Variants in PRORP observed in about 807,000 individuals in gnomAD.
The protein encoded by PRORP is protein only RNase P catalytic subunit.
PRORP carries 51 observed loss-of-function variants against 59.4 expected under a neutral mutation model. That is an observed-to-expected ratio of 0.86 (90% CI 0.69 to 1.08). The LOEUF (loss-of-function observed/expected upper bound fraction) is 1.08. Among genes scored for constraint, PRORP ranks in the 50% least tolerant of loss-of-function variants. The probability of loss-of-function intolerance (pLI) is 0.00; values close to 1 mark genes in which losing one functional copy is unlikely to be tolerated. For missense variants in PRORP, 646 were observed against 690.3 expected, an observed-to-expected ratio of 0.94 and a Z score of 0.72; for synonymous variants, 231 against 245.6, an observed-to-expected ratio of 0.94 and a Z score of 0.55.
chr14:35,147,695 A>T (rs528228404), intron 4 of PRORP, among the ~76,000 whole-genome samples: 73 of 152,252 alleles, frequency 4.8e-4, no homozygotes, highest in Admixed American at 1.5e-3. Flanking sequence ...GACTCTTCTT[A>T]TCACAAAATA....
chr14:35,252,505 T>A (rs986928985), intron 5 of PRORP, among the ~76,000 whole-genome samples: 2 of 152,212 alleles, frequency 1.3e-5, no homozygotes, highest in African/African-American at 4.8e-5. Flanking sequence ...TCCAGTTGCC[T>A]TCTTTCATGG....
At chr14:35,157,112 C>T (rs1481381374) in intron 4 of PRORP, among the ~76,000 whole-genome samples, 10 of 151,968 alleles carry the variant, frequency 6.6e-5, no homozygotes, top group Non-Finnish European at 1.5e-4. Context: ...CCCGCCACCA[C>T]GCCCAGCTAA....
intron 4 of PRORP, among the ~76,000 whole-genome samples, chr14:35,164,575 A>C (rs2048137404): frequency 6.6e-6 from 1 of 152,168 alleles, no homozygotes; most frequent in Non-Finnish European, 1.5e-5. Flanking sequence ...TATAAATGGG[A>C]GCTAAACATT....
At chr14:35,161,315 T>G (rs991561225) in intron 4 of PRORP, among the ~76,000 whole-genome samples, 1 of 152,194 alleles carries the variant, frequency 6.6e-6, no homozygotes, top group African/African-American at 2.4e-5. Flanking sequence ...CCCACTTTAT[T>G]CCTGAGGAAC....
At chr14:35,184,473 G>A (rs187740044) in intron 5 of PRORP, among the ~76,000 whole-genome samples, 18 of 152,172 alleles carry the variant, frequency 1.2e-4, no homozygotes, top group African/African-American at 2.2e-4. Context: ...AGTTATATTC[G>A]TAGCTCCACA....
chr14:35,270,355 C>T lies in PRORP; in HGVS notation c.1425-46C>T, dbSNP rs767157256. On this transcript the variant is annotated intron_variant, in intron 6 of 7. Transcript: ENST00000534898. ...GTACGGTGAAAAACACTGTCCTCTGCCTCTTCAGCTGTGCTTGATTGTGTC... is the reference window on the plus strand; with the variant it reads ...GTACGGTGAAAAACACTGTCCTCTGTCTCTTCAGCTGTGCTTGATTGTGTC... The T allele has an allele frequency of 5.1e-6, 8 of 1,563,308 alleles. No individual in the cohort carries two copies. The East Asian group carries it at 1.6e-4, about 31-fold the overall frequency.
chr14:35,185,704 G>A (rs1311778375), intron 5 of PRORP, among the ~76,000 whole-genome samples: 4 of 152,080 alleles, frequency 2.6e-5, no homozygotes, highest in Non-Finnish European at 5.9e-5. Flanking sequence ...TCATGCTGTT[G>A]GTCCTAAAAG....
intron 5 of PRORP, among the ~76,000 whole-genome samples, chr14:35,204,924 T>C (rs77434119): frequency 0.061 from 9,296 of 152,298 alleles, 371 homozygotes; most frequent in Middle Eastern, 0.11. Context: ...TTGAGTACTT[T>C]ATACACATTA....
At position 35,274,240 on chromosome 14, in the gene PRORP, C is replaced by T. The variant is rs907618786; in HGVS notation, c.*674C>T. On this transcript the variant is annotated 3_prime_UTR_variant, in exon 8 of 8. Transcript: ENST00000534898. The stretch of plus-strand genomic sequence containing the variant: ...ACAGTTCACTGCAGCCTCAAACTCC[C>T]AGGCTCAAGCAATCTTCCTACCTCA... 4.6e-5 allele frequency: 7 copies of T among 152,044 alleles called. No individual in the cohort carries two copies. The highest frequency in any genetic ancestry group is 1.7e-4 in the African/African-American group (7 of 41,378). The allele number at this position is 152,044 out of a possible 1,614,324, so 9.4% of individuals were successfully genotyped here. A position where few individuals can be genotyped will look rare whatever the true frequency, so the allele number is the denominator to read the frequency against.
chr14:35,168,389 A>G (rs1389333134), intron 4 of PRORP, among the ~76,000 whole-genome samples: 2 of 152,126 alleles, frequency 1.3e-5, no homozygotes, highest in African/African-American at 2.4e-5. Context: ...TAGTTATTGG[A>G]CCAAAGGGAG....
intron 5 of PRORP, among the ~76,000 whole-genome samples, chr14:35,266,469 G>C (rs534768408): frequency 6.6e-6 from 1 of 152,234 alleles, no homozygotes; most frequent in South Asian, 2.1e-4. Flanking sequence ...ACAGCAGAAT[G>C]AGATCCTGTC....
chr14:35,248,230 T>C (rs1052721550), intron 5 of PRORP, among the ~76,000 whole-genome samples: 10 of 152,200 alleles, frequency 6.6e-5, no homozygotes, highest in African/African-American at 2.2e-4. Flanking sequence ...ATATTTTGTA[T>C]ATATCCATAT....
At chr14:35,242,354 AG>A (rs2050387944) in intron 5 of PRORP, among the ~76,000 whole-genome samples, 1 of 152,154 alleles carries the variant, frequency 6.6e-6, no homozygotes. Flanking sequence ...GAAGATCTCT[AG>A]GGATCCTCAT....
At chr14:35,264,983 C>A (rs189826859) in intron 5 of PRORP, among the ~76,000 whole-genome samples, 1 of 151,754 alleles carries the variant, frequency 6.6e-6, no homozygotes, top group Non-Finnish European at 1.5e-5. Context: ...AGCAAGACTT[C>A]GTCTCAAAAA....
rs34186766 is a variant in PRORP, at chr14:35,193,634, A to ATT, written c.1275+12872_1275+12873dup. 2.9e-3 allele frequency among the ~76,000 whole-genome samples: 376 copies of ATT among 129,852 alleles called. 3 individuals are homozygous for ATT. Among genetic ancestry groups the ATT allele is most frequent in the African/African-American group, 5.5e-3 (194 of 35,582 alleles). 85.2% of individuals were successfully genotyped at this position (129,852 alleles called of 152,430 possible). Reference sequence around the variant, plus strand: ...TTTGTGTGTATATAATCCCGGGTGTATTTTTTTTTTTTTTTTGCCCCAACT... The same window carrying ATT: ...TTTGTGTGTATATAATCCCGGGTGTATTTTTTTTTTTTTTTTTTGCCCCAACT... On this transcript the variant is annotated intron_variant, in intron 5 of 7. Transcript: ENST00000534898.
intron 7 of PRORP, among the ~76,000 whole-genome samples, chr14:35,271,218 G>A (rs1374367286): frequency 1.1e-4 from 16 of 146,078 alleles, no homozygotes; most frequent in African/African-American, 4.1e-4. Flanking sequence ...GAGTGCAGTG[G>A]TGCAATCTCA....
chr14:35,122,161 G>A, upstream of PRORP: 1 of 579,536 alleles, frequency 1.7e-6, no homozygotes, highest in Non-Finnish European at 3.1e-6. Flanking sequence ...CACGCTGACT[G>A]GGGGAAAAAA....
chr14:35,229,914 C>G (rs1361771826), intron 5 of PRORP, among the ~76,000 whole-genome samples: 1 of 152,044 alleles, frequency 6.6e-6, no homozygotes, highest in Non-Finnish European at 1.5e-5. Context: ...ACATGTTACA[C>G]AATCATTTTC....
intron 3 of PRORP, among the ~76,000 whole-genome samples, chr14:35,126,984 A>G (rs943999557): frequency 6.6e-6 from 1 of 152,228 alleles, no homozygotes; most frequent in Non-Finnish European, 1.5e-5. Flanking sequence ...GTGAACCTAT[A>G]TGAAGTCTTA....
Sources: allele counts gnomAD v4.1 joint callset (sites outside exome capture counted in the v4.1 genomes callset), GRCh38; gene constraint gnomAD v4.1.1; transcripts MANE v1.5; gene names NCBI Gene and HGNC (gene_info 2026-07-23, HGNC 2026-07-21).